Variants in ZNF407 observed in about 807,000 individuals in gnomAD.
ZNF407 encodes zinc finger protein 407.
A neutral mutation model predicts 131.2 loss-of-function variants in ZNF407; 17 were observed. The ratio of observed to expected loss-of-function variants is 0.13; its 90% CI spans 0.09 to 0.19. The LOEUF is 0.19. Ranked by LOEUF, ZNF407 falls within the 10% of genes least tolerant of loss-of-function variation. The probability of loss-of-function intolerance (pLI) is 1.00; values close to 1 mark genes in which losing one functional copy is unlikely to be tolerated. For synonymous variants in ZNF407, 1,156 were observed against 1,062.0 expected (o/e 1.09, Z -1.72); for missense variants, 2,681 against 2,830.6 (o/e 0.95, Z 1.20).
intron 3 of ZNF407, among the ~76,000 whole-genome samples, chr18:74,734,310 G>A (rs1281068328): frequency 6.6e-6 from 1 of 152,148 alleles, no homozygotes; most frequent in Non-Finnish European, 1.5e-5. Flanking sequence ...GCACAATTGT[G>A]TAAGCACTTG....
At chr18:74,935,491 A>G (rs753381117) in intron 8 of ZNF407, among the ~76,000 whole-genome samples, 1 of 152,200 alleles carries the variant, frequency 6.6e-6, no homozygotes, top group African/African-American at 2.4e-5. Flanking sequence ...ATCGGGGACC[A>G]GATAGAATCC....
At chr18:74,690,190 A>G (rs1377919023) in intron 3 of ZNF407, among the ~76,000 whole-genome samples, 1 of 152,198 alleles carries the variant, frequency 6.6e-6, no homozygotes, top group Non-Finnish European at 1.5e-5. Context: ...TTGTTAAATT[A>G]TGTCAACTGC....
At chr18:74,928,953 G>A (rs1971947957) in intron 8 of ZNF407, among the ~76,000 whole-genome samples, 1 of 152,094 alleles carries the variant, frequency 6.6e-6, no homozygotes, top group Admixed American at 6.5e-5. Context: ...CCTGAAAAAA[G>A]TATCCTTTCT....
intron 3 of ZNF407, among the ~76,000 whole-genome samples, chr18:74,731,225 G>T (rs1285932139): frequency 2.6e-5 from 4 of 152,094 alleles, no homozygotes; most frequent in Non-Finnish European, 5.9e-5. Flanking sequence ...ATAATAATTT[G>T]TCCAAAAGGG....
intron 4 of ZNF407, among the ~76,000 whole-genome samples, chr18:74,826,778 A>G (rs1970415538): frequency 6.6e-6 from 1 of 152,178 alleles, no homozygotes; most frequent in South Asian, 2.1e-4. Flanking sequence ...CACTGGCAGC[A>G]TGAGGGTTAA....
chr18:74,987,503 G>A (rs774197111), intron 8 of ZNF407, among the ~76,000 whole-genome samples: 1 of 152,126 alleles, frequency 6.6e-6, no homozygotes, highest in Non-Finnish European at 1.5e-5. Flanking sequence ...AGCATCACAG[G>A]CTTCTCTATT....
chr18:74,636,341 A>C (rs553598996), intron 2 of ZNF407, among the ~76,000 whole-genome samples: 2 of 152,270 alleles, frequency 1.3e-5, no homozygotes, highest in East Asian at 3.9e-4. Flanking sequence ...GTTTTTAAAA[A>C]AACATTTTTT....
intron 1 of ZNF407, among the ~76,000 whole-genome samples, chr18:74,627,109 C>G (rs1983817101): frequency 1.3e-5 from 2 of 152,216 alleles, no homozygotes; most frequent in Admixed American, 6.5e-5. Flanking sequence ...CCTTTGGTGT[C>G]TGATGTCGAC....
intron 3 of ZNF407, among the ~76,000 whole-genome samples, chr18:74,670,476 G>T (rs1986100103): frequency 6.6e-6 from 1 of 151,988 alleles, no homozygotes; most frequent in African/African-American, 2.4e-5. Context: ...TGCTTGAAAA[G>T]AACAAAAATT....
intron 4 of ZNF407, among the ~76,000 whole-genome samples, chr18:74,860,946 G>A (rs934015763): frequency 6.6e-6 from 1 of 152,086 alleles, no homozygotes; most frequent in Non-Finnish European, 1.5e-5. Flanking sequence ...ATTTCTGAAT[G>A]ATTTCTGAGG....
intron 3 of ZNF407, among the ~76,000 whole-genome samples, chr18:74,690,452 G>GTTT (rs35408876): frequency 6.6e-6 from 1 of 150,688 alleles, no homozygotes; most frequent in Admixed American, 6.6e-5. Flanking sequence ...TTTTTTGGGG[G>GTTT]TTTTTTTTGG....
chr18:74,605,551 A>T (rs926983067), intron 1 of ZNF407, among the ~76,000 whole-genome samples: 7 of 152,280 alleles, frequency 4.6e-5, no homozygotes, highest in Non-Finnish European at 7.4e-5. Context: ...AAAAATAAAA[A>T]ATTAAAAAAT....
chr18:74,894,648 A>G (rs897678361), intron 7 of ZNF407, among the ~76,000 whole-genome samples: 3 of 152,094 alleles, frequency 2.0e-5, no homozygotes, highest in South Asian at 2.1e-4. Flanking sequence ...TCTATGATTT[A>G]TAGGGGATAT....
At chr18:74,607,825 G>C (rs953915555) in intron 1 of ZNF407, among the ~76,000 whole-genome samples, 9 of 152,314 alleles carry the variant, frequency 5.9e-5, no homozygotes, top group African/African-American at 1.9e-4. Context: ...AAAAGAGTAA[G>C]GGGGAAATAA....
At chr18:74,943,349 C>A (rs1276404567) in intron 8 of ZNF407, among the ~76,000 whole-genome samples, 1 of 152,202 alleles carries the variant, frequency 6.6e-6, no homozygotes, top group Non-Finnish European at 1.5e-5. Flanking sequence ...CTCTTTCTTA[C>A]AGCTGTTACT....
chr18:74,860,314 G>A (rs959670730), intron 4 of ZNF407, among the ~76,000 whole-genome samples: 1 of 151,402 alleles, frequency 6.6e-6, no homozygotes, highest in Non-Finnish European at 1.5e-5. Context: ...AAACGAAGAA[G>A]AAGAAGAAGA....
At chr18:74,786,680 G>A (rs1014367164) in intron 4 of ZNF407, among the ~76,000 whole-genome samples, 13 of 151,056 alleles carry the variant, frequency 8.6e-5, no homozygotes, top group Admixed American at 2.6e-4. Flanking sequence ...CATGAGCTGC[G>A]AACTCTTTCT....
chr18:74,938,669 T>TAGAG (rs1972065525), intron 8 of ZNF407, among the ~76,000 whole-genome samples: 1 of 152,222 alleles, frequency 6.6e-6, no homozygotes, highest in Non-Finnish European at 1.5e-5. Context: ...TTGCACCTTC[T>TAGAG]CTAAGTGTGT....
intron 6 of ZNF407, among the ~76,000 whole-genome samples, chr18:74,888,751 T>C (rs1289037251): frequency 6.6e-6 from 1 of 152,220 alleles, no homozygotes; most frequent in African/African-American, 2.4e-5. Flanking sequence ...TAAGACTCCA[T>C]GATTCTTTGA....
Sources: gnomAD v4.1 joint callset for allele counts (sites outside exome capture counted in the v4.1 genomes callset) on GRCh38, gnomAD v4.1.1 for gene constraint, MANE v1.5 for transcripts, NCBI Gene and HGNC (gene_info 2026-07-23, HGNC 2026-07-21) for gene names.